The following KIF1B variants were observed in gnomAD, a reference collection of about 807,000 sequenced individuals.
The protein encoded by KIF1B is kinesin-like protein KIF1B.
In KIF1B, 76 loss-of-function variants were observed where a neutral mutation model predicts 241.9. That is an observed-to-expected ratio of 0.31 (90% confidence interval 0.26 to 0.38). The LOEUF (loss-of-function observed/expected upper bound fraction) is 0.38, where lower values mean the gene tolerates loss of function less well. KIF1B is among the 10% of genes least tolerant of loss of function. The probability of loss-of-function intolerance (pLI) is 1.00; values close to 1 mark genes in which losing one functional copy is unlikely to be tolerated. For synonymous variants in KIF1B, 750 were observed against 796.7 expected (o/e 0.94, Z 0.99); for missense variants, 1,622 against 2,271.4 (o/e 0.71, Z 5.81).
chr1:10,361,863 T>C, intron 40 of KIF1B, 38 bp downstream of exon 40: 4 of 1,609,050 alleles, frequency 2.5e-6, no homozygotes, highest in Non-Finnish European at 3.4e-6. Flanking sequence ...AGTGTGTTTG[T>C]TCAGTACAAC....
At chr1:10,232,155 CAGAAAT>C (rs1387787135) in intron 1 of KIF1B, 89 bp from the exon 2 acceptor site, 4 of 589,864 alleles carry the variant, frequency 6.8e-6, no homozygotes, top group Middle Eastern at 4.3e-4. Context: ...TAAATGGAAA[CAGAAAT>C]AGAACTAAGA....
intron 37 of KIF1B, among the ~76,000 whole-genome samples, chr1:10,349,804 A>T (rs1313300662): frequency 2.0e-5 from 3 of 152,168 alleles, no homozygotes; most frequent in Non-Finnish European, 2.9e-5. Context: ...GTTGCCATGG[A>T]CCTCTTTGGC....
chr1:10,346,445 A>C (rs1569868612), intron 35 of KIF1B, among the ~76,000 whole-genome samples: 1 of 151,854 alleles, frequency 6.6e-6, no homozygotes, highest in South Asian at 2.1e-4. Context: ...GCTCACTGCA[A>C]CCTCTGCCTC....
intron 4 of KIF1B, among the ~76,000 whole-genome samples, 165 bp from the exon 5 acceptor site, chr1:10,261,740 A>C (rs940674293): frequency 6.6e-6 from 1 of 152,182 alleles, no homozygotes; most frequent in Non-Finnish European, 1.5e-5. Flanking sequence ...TATGCAGCGC[A>C]TGACTGACTT....
intron 37 of KIF1B, among the ~76,000 whole-genome samples, chr1:10,350,858 A>G (rs12119477): frequency 0.29 from 44,463 of 152,056 alleles, 6,606 homozygotes; most frequent in Admixed American, 0.34. Flanking sequence ...GCACTTTGGG[A>G]GGCCAAGGCA....
chr1:10,291,709 CAA>C (rs34360352), intron 16 of KIF1B, among the ~76,000 whole-genome samples: 56 of 120,194 alleles, frequency 4.7e-4, no homozygotes, highest in Non-Finnish European at 5.2e-4. Context: ...GACTCTGTCT[CAA>C]AAAAAAAAAA....
At chr1:10,226,126 G>T (rs925485305) in intron 1 of KIF1B, among the ~76,000 whole-genome samples, 3 of 152,150 alleles carry the variant, frequency 2.0e-5, no homozygotes, top group African/African-American at 7.2e-5. Flanking sequence ...AGGTAATGGT[G>T]GTGGTAGAAA....
At chr1:10,313,548 ATTTTT>A (rs33994083) in intron 22 of KIF1B, among the ~76,000 whole-genome samples, 3 of 121,406 alleles carry the variant, frequency 2.5e-5, no homozygotes, top group Admixed American at 9.2e-5. Context: ...ACTAGTTAGG[ATTTTT>A]TTTTTTTTTT....
rs764203468 is a variant in KIF1B, at chr1:10,278,057, G to A, written c.1109G>A (p.Arg370His). Residue 370 changes from arginine to histidine, a missense_variant, in exon 13 of 49, where the codon CGT (arginine) becomes CAT (histidine). Arg to His is a conservative substitution (Grantham distance 29, BLOSUM62 0). Transcript: ENST00000676179. Reference protein sequence around the residue: ...INEDPNAKLVRELKEEVTRLK... With the variant: ...INEDPNAKLVHELKEEVTRLK... Reference sequence around the variant, plus strand: ...GAGGACCCCAATGCCAAACTGGTTCGTGAATTAAAGGAGGAGGTGACACGG... The same window carrying A: ...GAGGACCCCAATGCCAAACTGGTTCATGAATTAAAGGAGGAGGTGACACGG... The A allele has an allele frequency of 2.5e-6, 4 of 1,614,052 alleles. No homozygotes were observed. The highest frequency in any genetic ancestry group is 1.1e-5 in the South Asian group (1 of 91,084).
intron 1 of KIF1B, among the ~76,000 whole-genome samples, chr1:10,219,905 T>G (rs1646818297): frequency 6.6e-6 from 1 of 150,456 alleles, no homozygotes; most frequent in Non-Finnish European, 1.5e-5. Context: ...TCATCTCTAT[T>G]AAAGATAAAT....
At chr1:10,236,306 A>AACAAC (rs1553161281) in intron 2 of KIF1B, among the ~76,000 whole-genome samples, 28,133 of 148,690 alleles carry the variant, frequency 0.19, 3,197 homozygotes, top group Admixed American at 0.27. Context: ...ACAACAACAA[A>AACAAC]AACCCATATA....
intron 45 of KIF1B, among the ~76,000 whole-genome samples, chr1:10,372,858 C>T (rs1463637136): frequency 2.6e-5 from 4 of 150,972 alleles, no homozygotes; most frequent in South Asian, 2.1e-4. Context: ...TCGTTGCCCA[C>T]GCCAGAGTGT....
chr1:10,242,338 C>T (rs1171718823), intron 2 of KIF1B, among the ~76,000 whole-genome samples: 4 of 151,948 alleles, frequency 2.6e-5, no homozygotes, highest in African/African-American at 4.8e-5. Context: ...ACCTACAGGG[C>T]GTAGCCTACT....
At chr1:10,232,504 T>C in intron 2 of KIF1B, 70 bp downstream of exon 2, 1 of 1,125,468 alleles carries the variant, frequency 8.9e-7, no homozygotes, top group Non-Finnish European at 1.3e-6. Context: ...CGTCTTGCTG[T>C]GTTCAGAATA....
intron 29 of KIF1B, 45 bp downstream of exon 29, chr1:10,336,787 G>A (rs1652197300): frequency 1.3e-6 from 2 of 1,532,096 alleles, no homozygotes; most frequent in Non-Finnish European, 1.8e-6. Context: ...GAAAGAGAAA[G>A]AATGTTCAGC....
intron 2 of KIF1B, among the ~76,000 whole-genome samples, chr1:10,234,376 T>G (rs1309187518): frequency 6.6e-6 from 1 of 151,926 alleles, no homozygotes; most frequent in South Asian, 2.1e-4. Context: ...CCTGGCTAAT[T>G]TTTGTGTTTT....
At chr1:10,259,435 C>T (rs1647988019) in intron 4 of KIF1B, among the ~76,000 whole-genome samples, 1 of 151,336 alleles carries the variant, frequency 6.6e-6, no homozygotes, top group Admixed American at 6.6e-5. Context: ...CTGCCTTAGC[C>T]TCCAGAGTAG....
At chr1:10,277,827 A>G (rs981597060) in intron 12 of KIF1B, among the ~76,000 whole-genome samples, 159 bp from the exon 13 acceptor site, 7 of 152,338 alleles carry the variant, frequency 4.6e-5, no homozygotes, top group Admixed American at 4.6e-4. Flanking sequence ...CTTTTTCTTC[A>G]TCTTTAATAG....
intron 36 of KIF1B, 40 bp downstream of exon 36, chr1:10,347,867 T>G: frequency 1.4e-6 from 2 of 1,472,596 alleles, no homozygotes; most frequent in Non-Finnish European, 1.9e-6. Flanking sequence ...GAGGGAACAC[T>G]GAAAAGAATT....
Sources: allele counts gnomAD v4.1 joint callset (sites outside exome capture counted in the v4.1 genomes callset), GRCh38; gene constraint gnomAD v4.1.1; transcripts MANE v1.5; gene names NCBI Gene and HGNC (gene_info 2026-07-23, HGNC 2026-07-21).